Variants in LEF1 observed in about 807,000 individuals in gnomAD.
LEF1 encodes lymphoid enhancer-binding factor 1.
In LEF1, 14 loss-of-function variants were observed where a neutral mutation model predicts 51.2. The observed-to-expected ratio is 0.27, with a 90% CI of 0.18 to 0.43. The LOEUF (loss-of-function observed/expected upper bound fraction) is 0.43. Among genes scored for constraint, LEF1 ranks in the 20% least tolerant of loss-of-function variants. The pLI, the probability that LEF1 is intolerant of heterozygous loss-of-function variation, is 1.00. For missense variants in LEF1, 386 were observed against 512.0 expected (o/e 0.75, Z 2.37); for synonymous variants, 185 against 183.2 (o/e 1.01, Z -0.08).
rs139125530 is a variant in LEF1, at chr4:108,134,830, C to T, written c.414+28738G>A. On this transcript the variant is annotated intron_variant, in intron 3 of 11. Transcript: ENST00000265165. The stretch of plus-strand genomic sequence containing the variant: ...GGAGATCCAGGATTCTTATCTGATT[C>T]CCAAGTTGAAGCAGAACCCTTTCAT... Among the ~76,000 whole-genome samples the T allele has an allele frequency of 8.5e-5, 13 of 152,292 alleles. No individual in the cohort carries two copies. The East Asian group carries it at 2.5e-3, about 29-fold the overall frequency.
At chr4:108,166,785 A>C (rs1209393284) in intron 1 of LEF1, 2 of 986,026 alleles carry the variant, frequency 2.0e-6, no homozygotes, top group Non-Finnish European at 2.4e-6. Flanking sequence ...CCGGTCCCAA[A>C]CCCCAAATAA....
chr4:108,091,278 A>G (rs1020725962), intron 3 of LEF1, among the ~76,000 whole-genome samples: 5 of 152,118 alleles, frequency 3.3e-5, no homozygotes, highest in African/African-American at 1.2e-4. Flanking sequence ...TACGACATAC[A>G]CTAATTTTGA....
intron 3 of LEF1, among the ~76,000 whole-genome samples, chr4:108,136,858 T>A (rs2110363253): frequency 6.6e-6 from 1 of 152,308 alleles, no homozygotes; most frequent in Admixed American, 6.5e-5. Context: ...TGAAATTATA[T>A]AAGTATGTAG....
At chr4:108,091,091 C>T (rs1047181748) in intron 3 of LEF1, among the ~76,000 whole-genome samples, 2 of 152,058 alleles carry the variant, frequency 1.3e-5, no homozygotes, top group African/African-American at 4.8e-5. Context: ...TAAGATCTTA[C>T]TATATTATTG....
chr4:108,148,942 T>C (rs1356486782), intron 3 of LEF1, among the ~76,000 whole-genome samples: 1 of 152,178 alleles, frequency 6.6e-6, no homozygotes, highest in East Asian at 1.9e-4. Flanking sequence ...ATATCAAAGA[T>C]AGCACTGAGT....
At chr4:108,073,252 G>A (rs1002751321) in intron 8 of LEF1, among the ~76,000 whole-genome samples, 1 of 152,160 alleles carries the variant, frequency 6.6e-6, no homozygotes, top group African/African-American at 2.4e-5. Flanking sequence ...AGGCGTAGCA[G>A]TGCATGCCTG....
chr4:108,083,576 A>G, intron 4 of LEF1, 130 bp from the exon 5 acceptor site: 1 of 564,644 alleles, frequency 1.8e-6, no homozygotes, highest in South Asian at 2.8e-5. Context: ...AGATCCAAGG[A>G]ACAGGAGTCC....
chr4:108,067,849 C>G (rs576740803), intron 9 of LEF1, among the ~76,000 whole-genome samples: 18 of 152,116 alleles, frequency 1.2e-4, no homozygotes, highest in Non-Finnish European at 2.4e-4. Flanking sequence ...TTTTGAAACC[C>G]TCTGGGTGAA....
intron 3 of LEF1, among the ~76,000 whole-genome samples, chr4:108,090,337 A>G (rs1486784857): frequency 6.6e-6 from 1 of 152,152 alleles, no homozygotes; most frequent in African/African-American, 2.4e-5. Flanking sequence ...CACACTTTAT[A>G]TGTCTTATAC....
intron 3 of LEF1, among the ~76,000 whole-genome samples, chr4:108,091,065 A>G (rs1411370478): frequency 6.6e-6 from 1 of 152,168 alleles, no homozygotes; most frequent in East Asian, 1.9e-4. Flanking sequence ...TCTTCATCAT[A>G]ATTAGTTTGA....
rs1040976601 is a variant in LEF1 at position 108,078,558 on chromosome 4, T to G, written c.846-176A>C. 36 of 729,668 alleles carry G rather than the reference T, an allele frequency of 4.9e-5. No homozygotes were observed. In the Admixed American group the frequency reaches 7.2e-4, roughly 15 times the overall value. 45.2% of individuals were successfully genotyped at this position (729,668 alleles called of 1,614,324 possible). A position where few individuals can be genotyped will look rare whatever the true frequency, so the allele number is the denominator to read the frequency against. ...GTTATTGACTCATTTGACAAAACAC[T>G]GAGAGGCAAACAACCCATCCAATAG... On this transcript the variant is annotated intron_variant, in intron 7 of 11. Transcript: ENST00000265165.
chr4:108,122,072 T>A (rs886833460), intron 3 of LEF1, among the ~76,000 whole-genome samples: 2 of 152,220 alleles, frequency 1.3e-5, no homozygotes, highest in African/African-American at 4.8e-5. Context: ...TCTAGAGTTG[T>A]TGGATATAGC....
chr4:108,053,516 G>T (rs1167997466), intron 11 of LEF1, among the ~76,000 whole-genome samples: 1 of 152,174 alleles, frequency 6.6e-6, no homozygotes, highest in Non-Finnish European at 1.5e-5. Context: ...CCAAGGCAAG[G>T]CTTCCTCTCC....
At chr4:108,133,462 A>G (rs918034698) in intron 3 of LEF1, among the ~76,000 whole-genome samples, 1 of 152,186 alleles carries the variant, frequency 6.6e-6, no homozygotes, top group African/African-American at 2.4e-5. Flanking sequence ...TTTATGGCCT[A>G]ATTCTCAGAA....
intron 3 of LEF1, among the ~76,000 whole-genome samples, chr4:108,115,886 C>CACACACACACACAG: frequency 6.6e-6 from 1 of 151,178 alleles, no homozygotes; most frequent in Non-Finnish European, 1.5e-5. Flanking sequence ...CACACACACA[C>CACACACACACACAG]GGCTGTAAGG....
intron 3 of LEF1, among the ~76,000 whole-genome samples, chr4:108,130,501 C>T (rs1157903111): frequency 1.3e-5 from 2 of 151,002 alleles, no homozygotes; most frequent in African/African-American, 4.9e-5. Context: ...AGGCAAATCA[C>T]TTGAGGTCAG....
intron 3 of LEF1, among the ~76,000 whole-genome samples, chr4:108,158,919 G>GA (rs1358082220): frequency 1.3e-5 from 2 of 151,862 alleles, no homozygotes; most frequent in South Asian, 4.2e-4. Context: ...TATGGGAGTG[G>GA]AAAAAATACT....
intron 3 of LEF1, among the ~76,000 whole-genome samples, chr4:108,092,929 A>G (rs867462864): frequency 1.4e-5 from 2 of 140,794 alleles, no homozygotes; most frequent in Admixed American, 1.4e-4. Context: ...AAAAAAAAAA[A>G]AAAAAAAAAA....
At chr4:108,107,106 G>C (rs9992390) in intron 3 of LEF1, among the ~76,000 whole-genome samples, 150,586 of 152,288 alleles carry the variant, frequency 0.99, 74,460 homozygotes, top group Middle Eastern at 1. Context: ...CTCGAAAGGA[G>C]TGAGCCTTTA....
Sources: allele counts gnomAD v4.1 joint callset (sites outside exome capture counted in the v4.1 genomes callset), GRCh38; gene constraint gnomAD v4.1.1; transcripts MANE v1.5; gene names NCBI Gene and HGNC (gene_info 2026-07-23, HGNC 2026-07-21).